The following NME9 variants were observed in gnomAD, a reference collection of about 807,000 sequenced individuals.
NME9 encodes thioredoxin domain-containing protein 6.
NME9 carries 48 observed loss-of-function variants against 44.4 expected under a neutral mutation model. That is an observed-to-expected ratio of 1.08 (90% confidence interval 0.86 to 1.37). The LOEUF is 1.37. NME9 is among the 40% of genes most tolerant of loss of function. NME9 has a pLI of 0.00. For synonymous variants in NME9, 139 were observed against 147.1 expected, an observed-to-expected ratio of 0.94 and a Z score of 0.40; for missense variants, 325 against 405.2, an observed-to-expected ratio of 0.80 and a Z score of 1.70.
At chr3:138,271,279 A>G (rs192755663) in intron 8 of NME9, among the ~76,000 whole-genome samples, 2 of 152,166 alleles carry the variant, frequency 1.3e-5, no homozygotes, top group African/African-American at 2.4e-5. Flanking sequence ...CTTTCTACCT[A>G]GCTTCCTTTT....
At chr3:138,322,751 T>C (rs540588709) in intron 2 of NME9, among the ~76,000 whole-genome samples, 2 of 152,276 alleles carry the variant, frequency 1.3e-5, no homozygotes, top group Admixed American at 6.5e-5. Context: ...TGCCTTCATT[T>C]AACAGAGGCC....
intron 8 of NME9, among the ~76,000 whole-genome samples, chr3:138,284,838 T>C (rs9637396): frequency 0.99 from 151,066 of 152,282 alleles, 74,943 homozygotes; most frequent in East Asian, 1. Context: ...CCCTGTCTTC[T>C]GTCTCAAGGC....
At chr3:138,274,391 G>A in intron 8 of NME9, 1 of 1,150,248 alleles carries the variant, frequency 8.7e-7, no homozygotes, top group Non-Finnish European at 1.3e-6. Context: ...TAGAAGCCTT[G>A]TATTCGTCCT....
chr3:138,305,769 T>C (rs1023939378), intron 8 of NME9, among the ~76,000 whole-genome samples: 2 of 152,256 alleles, frequency 1.3e-5, no homozygotes, highest in African/African-American at 4.8e-5. Flanking sequence ...TTATGGACTT[T>C]CCTTCTAATA....
intron 2 of NME9, among the ~76,000 whole-genome samples, chr3:138,322,521 T>TGTGTGTGTGTGC (rs59463925): frequency 4.0e-5 from 6 of 149,800 alleles, no homozygotes; most frequent in African/African-American, 1.5e-4. Context: ...TGTGTGTGTG[T>TGTGTGTGTGTGC]CTGTGCATGC....
At chr3:138,267,933 A>C (rs2048425894) in intron 8 of NME9, among the ~76,000 whole-genome samples, 1 of 152,144 alleles carries the variant, frequency 6.6e-6, no homozygotes, top group Non-Finnish European at 1.5e-5. Flanking sequence ...ATAATTAAGA[A>C]AGGTAGTATT....
chr3:138,274,233 A>ATGTGTGTGTGTGTGTGTG (rs142329302), intron 8 of NME9, among the ~76,000 whole-genome samples: 14 of 142,268 alleles, frequency 9.8e-5, no homozygotes, highest in African/African-American at 3.4e-4. Context: ...GTGTATATAC[A>ATGTGTGTGTGTGTGTGTG]TGTGTGTGTG....
chr3:138,286,004 A>T (rs2050369653), intron 8 of NME9, among the ~76,000 whole-genome samples: 1 of 152,134 alleles, frequency 6.6e-6, no homozygotes, highest in African/African-American at 2.4e-5. Flanking sequence ...GAGTGCAGTG[A>T]CGCGATCTTG....
chr3:138,287,378 T>A (rs2050534314), intron 8 of NME9, among the ~76,000 whole-genome samples: 1 of 152,170 alleles, frequency 6.6e-6, no homozygotes, highest in Non-Finnish European at 1.5e-5. Flanking sequence ...ATTCTTTAAG[T>A]CTCTGTTTAA....
At chr3:138,267,321 T>A in intron 8 of NME9, 1 of 827,138 alleles carries the variant, frequency 1.2e-6, no homozygotes, top group Non-Finnish European at 1.8e-6. Context: ...TAGTTGACAT[T>A]GAAATCTGTG....
At chr3:138,290,321 G>A (rs1468423064) in intron 8 of NME9, among the ~76,000 whole-genome samples, 1 of 152,158 alleles carries the variant, frequency 6.6e-6, no homozygotes, top group Non-Finnish European at 1.5e-5. Context: ...GCAGAACCCA[G>A]GATAGACTGC....
rs561767170 is a variant in NME9, at chr3:138,270,596, A to G, written c.746-8010T>C. On this transcript the variant is annotated intron_variant, in intron 8 of 8. Coordinates refer to the NME9 transcript ENST00000317876. ...AAATAAAAATTATGTGTGTTTATAA[A>G]GTACAACATGATGTTTTGAAAGATA... Among the ~76,000 whole-genome samples, 17 of 152,352 alleles carry G rather than the reference A, an allele frequency of 1.1e-4. No individual in the cohort carries two copies. In the South Asian group the frequency reaches 2.9e-3, roughly 26 times the overall value.
intron 4 of NME9, among the ~76,000 whole-genome samples, chr3:138,315,993 G>A (rs780651162): frequency 7.2e-5 from 11 of 152,052 alleles, no homozygotes; most frequent in Admixed American, 4.6e-4. Context: ...CACCATGCCC[G>A]GCTAATTTTT....
chr3:138,262,084 C>T (rs532197450), exon 9 of NME9: 5 of 154,004 alleles, frequency 3.2e-5, no homozygotes, highest in African/African-American at 1.2e-4. Context: ...AGAGCAACAT[C>T]AGCAGTTGGT....
chr3:138,281,263 A>G (rs1056915247), intron 8 of NME9, among the ~76,000 whole-genome samples: 1 of 150,092 alleles, frequency 6.7e-6, no homozygotes, highest in South Asian at 2.1e-4. Context: ...TAGCTCACAT[A>G]TTCAATGAGT....
chr3:138,276,346 G>A (rs780353503), intron 8 of NME9, among the ~76,000 whole-genome samples: 3 of 152,144 alleles, frequency 2.0e-5, no homozygotes, highest in Admixed American at 6.5e-5. Context: ...ATCCACCTAT[G>A]AAACTGTCAC....
chr3:138,281,134 A>T (rs1189167515), intron 8 of NME9, among the ~76,000 whole-genome samples: 3 of 152,068 alleles, frequency 2.0e-5, no homozygotes, highest in African/African-American at 7.2e-5. Context: ...CCCAAACCAT[A>T]ATTTACCAGT....
intron 8 of NME9, chr3:138,264,060 A>C: frequency 7.1e-7 from 1 of 1,409,976 alleles, no homozygotes; most frequent in Non-Finnish European, 1.0e-6. Context: ...TCATTGTAAA[A>C]TGCCAGCCAG....
chr3:138,300,922 G>A (rs369547995), downstream of NME9: 4 of 285,558 alleles, frequency 1.4e-5, no homozygotes, highest in East Asian at 3.5e-4. Flanking sequence ...CTCGGCATCA[G>A]TGTGCCTGGA....
Sources: allele counts gnomAD v4.1 joint callset (sites outside exome capture counted in the v4.1 genomes callset), GRCh38; gene constraint gnomAD v4.1.1; transcripts MANE v1.5; gene names NCBI Gene and HGNC (gene_info 2026-07-23, HGNC 2026-07-21).